Variants in COBLL1 observed in about 807,000 individuals in gnomAD.
COBLL1 encodes cordon-bleu WH2 repeat protein like 1, also known as cordon-bleu protein-like 1.
A neutral mutation model predicts 94.8 loss-of-function variants in COBLL1; 50 were observed. That is an observed-to-expected ratio of 0.53 (90% CI 0.42 to 0.67). The LOEUF is 0.67. COBLL1 is among the 30% of genes least tolerant of loss of function. The pLI is 0.00. For synonymous variants in COBLL1, 448 were observed against 473.8 expected (o/e 0.95, Z 0.71); for missense variants, 1,362 against 1,348.7 (o/e 1.01, Z -0.15).
At chr2:164,687,202 T>C (rs563201311) in intron 13 of COBLL1, 9 of 437,378 alleles carry the variant, frequency 2.1e-5, no homozygotes, top group African/African-American at 1.6e-4. Context: ...TGACAGGTAA[T>C]GACTTTCTTT....
At chr2:164,773,363 C>T (rs1688299847) in intron 2 of COBLL1, among the ~76,000 whole-genome samples, 2 of 152,008 alleles carry the variant, frequency 1.3e-5, no homozygotes, top group African/African-American at 4.8e-5. Flanking sequence ...CCAGTAAGAA[C>T]ATAATGAACA....
In COBLL1 at chr2:164,733,959, G is replaced by A. The variant is rs538641966; in HGVS notation, c.231-3844C>T. Among the ~76,000 whole-genome samples, 3 of 152,258 alleles carry A rather than the reference G, an allele frequency of 2.0e-5. No homozygotes were observed. The South Asian group carries it at 6.2e-4, about 32-fold the overall frequency. On this transcript the variant is annotated intron_variant, in intron 3 of 13. Coordinates refer to ENST00000652658, the MANE Select transcript of COBLL1 (RefSeq NM_001365672.2). ...CTGGATAGAGTAATTCTAACACGCT[G>A]GTTCTCAAGGTGTGATACATAGACC... is the stretch of plus-strand genomic sequence containing the variant.
At chr2:164,693,072 A>G (rs1177330201) in intron 12 of COBLL1, among the ~76,000 whole-genome samples, 1 of 152,150 alleles carries the variant, frequency 6.6e-6, no homozygotes, top group East Asian at 1.9e-4. Context: ...ATATGTTATC[A>G]AGTAATCTTA....
At chr2:164,797,691 G>GT (rs1043847689) in intron 2 of COBLL1, among the ~76,000 whole-genome samples, 15 of 152,062 alleles carry the variant, frequency 9.9e-5, no homozygotes, top group Admixed American at 8.5e-4. Context: ...TAATTATGGT[G>GT]TTTTTTCTTT....
At chr2:164,776,285 C>T (rs1335124112) in intron 2 of COBLL1, among the ~76,000 whole-genome samples, 1 of 152,130 alleles carries the variant, frequency 6.6e-6, no homozygotes, top group Non-Finnish European at 1.5e-5. Context: ...ACTCCTTATC[C>T]TGGTAAAGGA....
At chr2:164,665,777 C>G (rs1691150575) in intron 2 of COBLL1, 1 of 152,058 alleles carries the variant, frequency 6.6e-6, no homozygotes, top group Non-Finnish European at 1.5e-5. Flanking sequence ...AAGAGTATGT[C>G]AATTTTCCTC....
intron 7 of COBLL1, chr2:164,721,671 T>C (rs1685451188): frequency 1.3e-5 from 2 of 153,154 alleles, no homozygotes; most frequent in East Asian, 1.9e-4. Context: ...TAGAAACCCA[T>C]GAACACAACT....
intron 2 of COBLL1, among the ~76,000 whole-genome samples, chr2:164,808,634 T>C (rs6736779): frequency 0.35 from 53,751 of 152,050 alleles, 9,710 homozygotes; most frequent in Admixed American, 0.41. Flanking sequence ...CTTTAGCTAG[T>C]CTGACATTAT....
At chr2:164,811,100 C>A (rs1479382112) in intron 2 of COBLL1, among the ~76,000 whole-genome samples, 3 of 151,880 alleles carry the variant, frequency 2.0e-5, no homozygotes, top group African/African-American at 7.2e-5. Context: ...AAATAACAGT[C>A]ATTGACAACT....
chr2:164,786,488 T>C lies in COBLL1; in HGVS notation c.42-42613A>G, dbSNP rs146744588. On this transcript the variant is annotated intron_variant, in intron 2 of 13. Coordinates refer to ENST00000652658, the MANE Select transcript of COBLL1 (RefSeq NM_001365672.2). The stretch of plus-strand genomic sequence containing the variant: ...AGACATTTCTGGAAAACTAGATGTA[T>C]GAACAGAAGCAGGAGGAATAGGAGA... 1.2e-4 allele frequency among the ~76,000 whole-genome samples: 18 copies of C among 152,222 alleles called. No homozygotes were observed. In the East Asian group the frequency reaches 3.5e-3, roughly 29 times the overall value.
At chr2:164,783,737 G>A (rs749754762) in intron 2 of COBLL1, among the ~76,000 whole-genome samples, 9 of 152,082 alleles carry the variant, frequency 5.9e-5, no homozygotes, top group Non-Finnish European at 1.0e-4. Context: ...GGAGGCCAAG[G>A]AGGGAGGATA....
chr2:164,697,493 T>C (rs982549225), intron 11 of COBLL1: 2 of 152,150 alleles, frequency 1.3e-5, no homozygotes, highest in African/African-American at 4.8e-5. Context: ...TGAAAGAATT[T>C]AAGAAACAAT....
At chr2:164,744,339 C>T (rs1158912732) in intron 2 of COBLL1, among the ~76,000 whole-genome samples, 2 of 152,098 alleles carry the variant, frequency 1.3e-5, no homozygotes, top group South Asian at 2.1e-4. Flanking sequence ...TTCAGACAAA[C>T]CCTACCTTAT....
At chr2:164,824,413 T>G (rs1027886668) in intron 2 of COBLL1, among the ~76,000 whole-genome samples, 1 of 150,718 alleles carries the variant, frequency 6.6e-6, no homozygotes, top group Non-Finnish European at 1.5e-5. Context: ...TCTAGAAGGA[T>G]GCAATCTATC....
chr2:164,838,306 T>A (rs1055404246), intron 2 of COBLL1, among the ~76,000 whole-genome samples: 14 of 152,144 alleles, frequency 9.2e-5, no homozygotes, highest in Non-Finnish European at 2.1e-4. Flanking sequence ...CAATTATTAT[T>A]TAGAATGTTT....
At chr2:164,805,343 A>ATT (rs1559033722) in intron 2 of COBLL1, among the ~76,000 whole-genome samples, 29 of 93,098 alleles carry the variant, frequency 3.1e-4, no homozygotes, top group Non-Finnish European at 5.0e-4. Flanking sequence ...CTCTCTATAT[A>ATT]TATATATATA....
At chr2:164,788,526 C>T (rs1396264237) in intron 2 of COBLL1, among the ~76,000 whole-genome samples, 1 of 152,050 alleles carries the variant, frequency 6.6e-6, no homozygotes, top group East Asian at 1.9e-4. Flanking sequence ...AGCTGGACAA[C>T]AGAAATAGGA....
chr2:164,833,935 C>T (rs1683204032), intron 2 of COBLL1, among the ~76,000 whole-genome samples: 1 of 152,152 alleles, frequency 6.6e-6, no homozygotes, highest in Non-Finnish European at 1.5e-5. Flanking sequence ...CTTTGAGAAT[C>T]TTTTCCAAAG....
intron 2 of COBLL1, among the ~76,000 whole-genome samples, chr2:164,787,850 C>A (rs576778383): frequency 1.3e-5 from 2 of 152,284 alleles, no homozygotes; most frequent in South Asian, 2.1e-4. Context: ...GTAAACCCTG[C>A]AAAATTATTC....
Sources: allele counts gnomAD v4.1 joint callset (sites outside exome capture counted in the v4.1 genomes callset), GRCh38; gene constraint gnomAD v4.1.1; transcripts MANE v1.5; gene names NCBI Gene and HGNC (gene_info 2026-07-23, HGNC 2026-07-21).